CSMD1: variants seen among roughly 807,000 people sequenced by gnomAD.
CSMD1 encodes CUB and Sushi multiple domains 1.
CSMD1 carries 213 observed loss-of-function variants against 417.5 expected under a neutral mutation model. The ratio of observed to expected loss-of-function variants is 0.51; its 90% CI spans 0.46 to 0.57. CSMD1 has a LOEUF of 0.57. CSMD1 is among the 20% of genes least tolerant of loss of function. CSMD1 has a pLI of 0.00. For missense variants in CSMD1, 6,923 were observed against 4,529.7 expected (o/e 1.53, Z -15.17); for synonymous variants, 2,862 against 1,736.8 (o/e 1.65, Z -16.11).
At chr8:3,396,473 A>T in intron 16 of CSMD1, 92 bp from the exon 17 acceptor site, 3 of 885,340 alleles carry the variant, frequency 3.4e-6, no homozygotes, top group Non-Finnish European at 5.1e-6. Context: ...TCAGAAACCC[A>T]TGTACGTTAA....
At chr8:3,644,272 G>C (rs1003546507) in intron 7 of CSMD1, among the ~76,000 whole-genome samples, 1 of 152,222 alleles carries the variant, frequency 6.6e-6, no homozygotes, top group African/African-American at 2.4e-5. Flanking sequence ...ATTGCTGTTA[G>C]AGAATTTAAA....
intron 2 of CSMD1, among the ~76,000 whole-genome samples, chr8:4,556,238 C>T (rs1206258539): frequency 6.6e-6 from 1 of 151,856 alleles, no homozygotes; most frequent in Non-Finnish European, 1.5e-5. Context: ...AGGATTTCTC[C>T]CAGGAAAATG....
chr8:4,007,623 C>T (rs1020932951), intron 4 of CSMD1, among the ~76,000 whole-genome samples: 2 of 152,318 alleles, frequency 1.3e-5, no homozygotes, highest in African/African-American at 4.8e-5. Context: ...CCTGTTCTTG[C>T]ACTTGCGTGC....
At chr8:3,940,516 T>C (rs867507188) in intron 5 of CSMD1, among the ~76,000 whole-genome samples, 1 of 151,216 alleles carries the variant, frequency 6.6e-6, no homozygotes, top group Non-Finnish European at 1.5e-5. Context: ...TGTGTGTGTG[T>C]GTGTGTGTGT....
At chr8:4,123,114 T>C (rs1228981639) in intron 3 of CSMD1, among the ~76,000 whole-genome samples, 1 of 152,190 alleles carries the variant, frequency 6.6e-6, no homozygotes, top group Non-Finnish European at 1.5e-5. Flanking sequence ...AAATGATCCA[T>C]CAGTACACAA....
intron 3 of CSMD1, among the ~76,000 whole-genome samples, chr8:4,309,984 A>G (rs1158407088): frequency 6.6e-6 from 1 of 152,174 alleles, no homozygotes; most frequent in African/African-American, 2.4e-5. Flanking sequence ...TTATTTTCAC[A>G]CCAGACTAAG....
intron 3 of CSMD1, among the ~76,000 whole-genome samples, chr8:4,254,075 C>A (rs1424035070): frequency 1.3e-5 from 2 of 151,892 alleles, no homozygotes; most frequent in African/African-American, 2.4e-5. Context: ...CACCACCACG[C>A]CTGGCTAATT....
At chr8:4,674,047 T>A (rs1778856127) in intron 1 of CSMD1, among the ~76,000 whole-genome samples, 1 of 152,202 alleles carries the variant, frequency 6.6e-6, no homozygotes, top group African/African-American at 2.4e-5. Context: ...ATAAAGCTAT[T>A]ATTAAAATTC....
chr8:4,924,162 T>G (rs970854845), intron 1 of CSMD1, among the ~76,000 whole-genome samples: 2 of 152,188 alleles, frequency 1.3e-5, no homozygotes, highest in Admixed American at 1.3e-4. Flanking sequence ...CGATGTTGAA[T>G]ACAGATTTGA....
In CSMD1 at chr8:4,795,252, C is replaced by CTTTTTTTTTTTTTTTTTTTTTTTT. The variant is rs571984359; in HGVS notation, c.86-157718_86-157695dup. Among the ~76,000 whole-genome samples, 13 of 46,252 alleles carry CTTTTTTTTTTTTTTTTTTTTTTTT rather than the reference C, an allele frequency of 2.8e-4. 5 individuals are homozygous for CTTTTTTTTTTTTTTTTTTTTTTTT. The highest frequency in any genetic ancestry group is 3.8e-4 in the Non-Finnish European group (9 of 23,986). 30.3% of individuals were successfully genotyped at this position (46,252 alleles called of 152,430 possible). On this transcript the variant is annotated intron_variant, in intron 1 of 69. Transcript: ENST00000635120. ...ATTTCTAGGTCTGCTGGTGTCATAG[C>CTTTTTTTTTTTTTTTTTTTTTTTT]TTTTTTTTTTTTTTTTTTTTTTTTT...
rs1395647519 is a variant in CSMD1, at chr8:4,263,793, C to G, written c.415+156160G>C. 3.3e-5 allele frequency among the ~76,000 whole-genome samples: 5 copies of G among 152,280 alleles called. No homozygotes were observed. The South Asian group carries it at 1.0e-3, about 32-fold the overall frequency. Reference sequence around the variant, plus strand: ...ATGAAAATCTTTACTCCAATTGTGACTGGCTCACCTAAATTATACATATTT... The same window carrying G: ...ATGAAAATCTTTACTCCAATTGTGAGTGGCTCACCTAAATTATACATATTT... On this transcript the variant is annotated intron_variant, in intron 3 of 69. Transcript: ENST00000635120.
chr8:4,890,615 G>C (rs564647561), intron 1 of CSMD1, among the ~76,000 whole-genome samples: 1 of 144,726 alleles, frequency 6.9e-6, no homozygotes, highest in African/African-American at 2.6e-5. Flanking sequence ...ACCCTCCCCT[G>C]CTTCAGGTCC....
chr8:4,123,016 A>G (rs780711814), intron 3 of CSMD1, among the ~76,000 whole-genome samples: 55 of 152,218 alleles, frequency 3.6e-4, no homozygotes, highest in Non-Finnish European at 5.7e-4. Context: ...CAGCTTTGAC[A>G]AATTACAATC....
intron 2 of CSMD1, among the ~76,000 whole-genome samples, chr8:4,622,513 C>G (rs1801841677): frequency 1.3e-5 from 2 of 152,128 alleles, no homozygotes; most frequent in Non-Finnish European, 2.9e-5. Context: ...ATGTCTCTTC[C>G]TCCTGCTGTG....
At chr8:3,562,764 A>G (rs542194026) in intron 10 of CSMD1, among the ~76,000 whole-genome samples, 2 of 151,548 alleles carry the variant, frequency 1.3e-5, no homozygotes, top group East Asian at 3.9e-4. Flanking sequence ...TACGGAGCCT[A>G]TTGGAGGGTG....
chr8:3,584,593 G>C (rs528766752), intron 9 of CSMD1, among the ~76,000 whole-genome samples: 47 of 152,076 alleles, frequency 3.1e-4, no homozygotes, highest in Non-Finnish European at 5.4e-4. Flanking sequence ...TTTAAGATGA[G>C]AGTCAGGGCC....
intron 3 of CSMD1, among the ~76,000 whole-genome samples, chr8:4,073,285 AAG>A (rs1232870514): frequency 6.6e-6 from 1 of 152,206 alleles, no homozygotes; most frequent in African/African-American, 2.4e-5. Flanking sequence ...GAGTTGAAAG[AAG>A]AGAGTAAAGA....
rs1397283562 is a variant in CSMD1 at position 4,135,383 on chromosome 8, AGGGG to A, written c.416-103288_416-103285del. 1.7e-3 allele frequency among the ~76,000 whole-genome samples: 30 copies of A among 17,944 alleles called. No individual in the cohort carries two copies. The East Asian group carries it at 0.066, about 40-fold the overall frequency. The allele number at this position is 17,944 out of a possible 152,430, so 11.8% of individuals were successfully genotyped here. A position where few individuals can be genotyped will look rare whatever the true frequency, so the allele number is the denominator to read the frequency against. ...GGGAAGGAAGGGGAAAGTGGGAAAGAGGGGGAAGGAAGGGGAAAGAGGGAAAGAG... is the reference window on the plus strand; with the variant it reads ...GGGAAGGAAGGGGAAAGTGGGAAAGAGAAGGAAGGGGAAAGAGGGAAAGAG... On this transcript the variant is annotated intron_variant, in intron 3 of 69. Transcript: ENST00000635120.
In CSMD1 at chr8:4,302,474, T is replaced by A. The variant is rs768278724; in HGVS notation, c.415+117479A>T. ...ACATATCGTGCAGACAAAACAGCAG[T>A]CTGTGAAAATGTAAGCTACTTGACC... On this transcript the variant is annotated intron_variant, in intron 3 of 69. Transcript: ENST00000635120. 2.0e-5 allele frequency among the ~76,000 whole-genome samples: 3 copies of A among 152,104 alleles called. No homozygotes were observed. The South Asian group carries it at 6.2e-4, about 32-fold the overall frequency.
Sources: gnomAD v4.1 joint callset for allele counts (sites outside exome capture counted in the v4.1 genomes callset) on GRCh38, gnomAD v4.1.1 for gene constraint, MANE v1.5 for transcripts, NCBI Gene and HGNC (gene_info 2026-07-23, HGNC 2026-07-21) for gene names.